Variants in KCTD1 observed in about 807,000 individuals in gnomAD.
KCTD1 encodes the protein BTB/POZ domain-containing protein KCTD1.
KCTD1 carries 24 observed loss-of-function variants against 66.0 expected under a neutral mutation model. The ratio of observed to expected loss-of-function variants is 0.36; its 90% CI spans 0.26 to 0.51. The LOEUF (loss-of-function observed/expected upper bound fraction) is 0.51, where lower values mean the gene tolerates loss of function less well. KCTD1 is among the 20% of genes least tolerant of loss of function. The pLI, the probability that KCTD1 is intolerant of heterozygous loss-of-function variation, is 0.95. For synonymous variants in KCTD1, 511 were observed against 517.2 expected, an observed-to-expected ratio of 0.99 and a Z score of 0.16; for missense variants, 943 against 1,205.2, an observed-to-expected ratio of 0.78 and a Z score of 3.22.
chr18:26,509,605 C>A (rs1353423500), intron 1 of KCTD1, among the ~76,000 whole-genome samples: 3 of 152,090 alleles, frequency 2.0e-5, no homozygotes, highest in African/African-American at 7.2e-5. Flanking sequence ...TCGCTAAAAT[C>A]ATCTAAAATT....
chr18:26,602,050 G>T (rs1383224287), intron 1 of KCTD1, among the ~76,000 whole-genome samples: 1 of 152,144 alleles, frequency 6.6e-6, no homozygotes, highest in Non-Finnish European at 1.5e-5. Flanking sequence ...GATGAGAACA[G>T]ACATTCTTCT....
Position 26,461,188 on chromosome 18 carries a change from T to C in KCTD1, c.2134-1263A>G, listed in dbSNP as rs58060678. ...GCTCTTTCTCTTGCAAATCAAGCAATAGCAGCAGCAGCTGTAGCGGCATTA... is the reference window on the plus strand; with the variant it reads ...GCTCTTTCTCTTGCAAATCAAGCAACAGCAGCAGCAGCTGTAGCGGCATTA... On this transcript the variant is annotated intron_variant, in intron 3 of 4. Transcript: ENST00000580059. Among the ~76,000 whole-genome samples, 915 of 152,322 alleles carry C rather than the reference T, an allele frequency of 6.0e-3. 6 individuals are homozygous for C. Among genetic ancestry groups the C allele is most frequent in the African/African-American group, 0.021 (874 of 41,564 alleles).
At chr18:26,518,283 T>C (rs934112719) in intron 1 of KCTD1, among the ~76,000 whole-genome samples, 3 of 152,124 alleles carry the variant, frequency 2.0e-5, no homozygotes, top group African/African-American at 7.2e-5. Flanking sequence ...ACAAACTAAT[T>C]TGAAAAATGC....
chr18:26,455,043 A>G lies in KCTD1; in HGVS notation c.*700T>C, dbSNP rs1227383805. ...TTGAAAAATTGTAGGAAAGCAGCAG[A>G]CTTGAACTGGAGCAATTCTAACAAG... On this transcript the variant is annotated 3_prime_UTR_variant, in exon 5 of 5. Coordinates refer to ENST00000580059, the MANE Select transcript of KCTD1 (RefSeq NM_001142730.3). The G allele has an allele frequency of 6.5e-6, 1 of 152,702 alleles. No individual in the cohort carries two copies. The highest frequency in any genetic ancestry group is 2.4e-5 in the African/African-American group (1 of 41,476). The allele number at this position is 152,702 out of a possible 1,614,324, so 9.5% of individuals were successfully genotyped here.
chr18:26,474,845 GA>G (rs1432420391), intron 3 of KCTD1, among the ~76,000 whole-genome samples: 3 of 152,060 alleles, frequency 2.0e-5, no homozygotes, highest in African/African-American at 7.2e-5. Flanking sequence ...TATACTTTTA[GA>G]AATTTCTTTG....
At position 26,548,390 on chromosome 18, in the gene KCTD1, G is replaced by C; in HGVS notation, c.147C>G (p.His49Gln). The C allele has an allele frequency of 1.4e-6, 2 of 1,456,284 alleles. No individual in the cohort carries two copies. The highest frequency in any genetic ancestry group is 1.8e-6 in the Non-Finnish European group (2 of 1,103,370). 90.2% of individuals were successfully genotyped at this position (1,456,284 alleles called of 1,614,324 possible). ...GGRGRRHSRPHYCSAGEEEEE... is the reference protein window; with the variant it reads ...GGRGRRHSRPQYCSAGEEEEE... ...CCTCCTCCTCGCCCGCGCTGCAGTA[G>C]TGCGGACGGCTGTGGCGGCGGCCGC... The change falls in exon 1 of 5, where the codon CAC (histidine) becomes CAG (glutamine). Residue 49 changes from histidine (H) to glutamine (Q), a missense_variant. By Grantham distance (24) the His-to-Gln change is conservative. Coordinates refer to ENST00000580059, the MANE Select transcript of KCTD1 (RefSeq NM_001142730.3).
upstream of KCTD1, among the ~76,000 whole-genome samples, chr18:26,550,681 G>A (rs1280594979): frequency 6.6e-6 from 1 of 152,142 alleles, no homozygotes; most frequent in Non-Finnish European, 1.5e-5. The surrounding 1 kb of genome is among the most constrained non-coding windows in gnomAD (Gnocchi z 5.4). Flanking sequence ...GGAGGTGGCC[G>A]GCTTTGTTCA....
In KCTD1 at chr18:26,547,937, G is replaced by A; in HGVS notation, c.600C>T (p.Asp200=). 1.3e-6 allele frequency: 2 copies of A among 1,543,538 alleles called. No homozygotes were observed. Among genetic ancestry groups the A allele is most frequent in the Admixed American group, 2.0e-5 (1 of 51,012 alleles). ...KAQSPDFETM[D]KGALCRVLRS... ...GCAGCACGCGGCACAGCGCCCCCTT[G>A]TCCATGGTCTCGAAGTCCGGGCTCT... The change falls in exon 1 of 5, where the codon GAC becomes GAT. Residue 200 remains aspartate (D), a synonymous_variant. Coordinates refer to ENST00000580059, the MANE Select transcript of KCTD1 (RefSeq NM_001142730.3).
At chr18:26,656,191 C>T (rs954963907) in intron 1 of KCTD1, among the ~76,000 whole-genome samples, 1 of 152,176 alleles carries the variant, frequency 6.6e-6, no homozygotes, top group Admixed American at 6.5e-5. Flanking sequence ...GGAACCTAGG[C>T]CGCCAGGAGG....
intron 1 of KCTD1, among the ~76,000 whole-genome samples, chr18:26,514,270 G>C (rs1008218737): frequency 6.6e-6 from 1 of 152,058 alleles, no homozygotes; most frequent in Non-Finnish European, 1.5e-5. Context: ...GGGGAGGAGA[G>C]AGCCAAGCAC....
chr18:26,612,072 C>T (rs953080065), intron 1 of KCTD1, among the ~76,000 whole-genome samples: 21 of 152,282 alleles, frequency 1.4e-4, no homozygotes, highest in African/African-American at 4.6e-4. Context: ...GCACTGGGCA[C>T]GGTTTCCTCT....
intron 1 of KCTD1, chr18:26,566,788 G>A (rs1295116897): frequency 7.3e-6 from 1 of 137,832 alleles, no homozygotes; most frequent in African/African-American, 2.7e-5. Flanking sequence ...TGGTGGTTTG[G>A]ATTAGACAAC....
At chr18:26,620,175 G>C (rs896777236) in intron 1 of KCTD1, among the ~76,000 whole-genome samples, 32 of 152,026 alleles carry the variant, frequency 2.1e-4, no homozygotes, top group African/African-American at 7.7e-4. Context: ...TAGACACTAA[G>C]ATTCTGTGGA....
At chr18:26,549,664 C>T, upstream of KCTD1, 1 of 969,478 alleles carries the variant, frequency 1.0e-6, no homozygotes. Flanking sequence ...AAAAAGCGAA[C>T]TTGTGTCTCG....
At chr18:26,465,945 C>T (rs368723006) in intron 3 of KCTD1, among the ~76,000 whole-genome samples, 7 of 152,310 alleles carry the variant, frequency 4.6e-5, no homozygotes, top group African/African-American at 1.7e-4. Context: ...GCCTCGGTGG[C>T]GGCAGCTGAG....
At position 26,547,322 on chromosome 18, in the gene KCTD1, G is replaced by A; in HGVS notation, c.1215C>T (p.Phe405=). 2 of 1,551,662 alleles carry A rather than the reference G, an allele frequency of 1.3e-6. No homozygotes were observed. Among genetic ancestry groups the A allele is most frequent in the Non-Finnish European group, 1.7e-6 (2 of 1,146,950 alleles). Reference sequence around the variant, plus strand: ...TGCAGTGGTCCCGGGGCCGCTGGAAGAACGCCTTGCAGAGAGGGTTGCGTT... The same window carrying A: ...TGCAGTGGTCCCGGGGCCGCTGGAAAAACGCCTTGCAGAGAGGGTTGCGTT... ...LSKRNPLCKA[F]FQRPRDHCSE... is the part of the protein sequence containing the mutation. Residue 405 remains phenylalanine, a synonymous_variant, in exon 1 of 5, where the codon TTC becomes TTT. Coordinates refer to ENST00000580059, the MANE Select transcript of KCTD1 (RefSeq NM_001142730.3).
At chr18:26,477,624 T>C (rs1981417825) in intron 2 of KCTD1, among the ~76,000 whole-genome samples, 1 of 152,182 alleles carries the variant, frequency 6.6e-6, no homozygotes, top group Non-Finnish European at 1.5e-5. Flanking sequence ...CATTTTCTAA[T>C]CATAGGTTGA....
intron 3 of KCTD1, among the ~76,000 whole-genome samples, chr18:26,469,231 G>A (rs939722296): frequency 5.9e-5 from 9 of 151,466 alleles, no homozygotes; most frequent in African/African-American, 2.2e-4. Flanking sequence ...TAAAGGGTGT[G>A]TTTGGTACTT....
intron 1 of KCTD1, among the ~76,000 whole-genome samples, chr18:26,521,098 A>G (rs1983887912): frequency 6.6e-6 from 1 of 152,236 alleles, no homozygotes; most frequent in Non-Finnish European, 1.5e-5. Flanking sequence ...AGTGAAGGAC[A>G]GGGACAGGCC....
Sources: gnomAD v4.1 joint callset for allele counts (sites outside exome capture counted in the v4.1 genomes callset) on GRCh38, gnomAD v4.1.1 for gene constraint, Gnocchi (gnomAD v3.1) non-coding constraint, MANE v1.5 for transcripts, NCBI Gene and HGNC (gene_info 2026-07-23, HGNC 2026-07-21) for gene names.